The following LTBP1 variants were observed in gnomAD, a reference collection of about 807,000 sequenced individuals.
LTBP1 encodes latent transforming growth factor beta binding protein 1, also known as latent-transforming growth factor beta-binding protein 1.
Under a neutral mutation model 207.6 loss-of-function variants are expected in LTBP1, and 129 were observed. The ratio of observed to expected loss-of-function variants is 0.62; its 90% CI spans 0.54 to 0.72. LTBP1 has a LOEUF of 0.72. Ranked by LOEUF, LTBP1 falls within the 30% of genes least tolerant of loss-of-function variation. The pLI, the probability that LTBP1 is intolerant of heterozygous loss-of-function variation, is 0.00. For synonymous variants in LTBP1, 963 were observed against 833.7 expected (o/e 1.16, Z -2.67); for missense variants, 2,281 against 2,217.2 (o/e 1.03, Z -0.58).
chr2:33,379,933 T>C (rs1253026254), intron 31 of LTBP1, among the ~76,000 whole-genome samples: 1 of 152,236 alleles, frequency 6.6e-6, no homozygotes, highest in African/African-American at 2.4e-5. Context: ...TTCTCTGCTA[T>C]GAAGCTTTAA....
intron 3 of LTBP1, among the ~76,000 whole-genome samples, chr2:33,045,774 T>C (rs1347863566): frequency 6.6e-6 from 1 of 152,220 alleles, no homozygotes; most frequent in Non-Finnish European, 1.5e-5. Context: ...TTTGTTTGTG[T>C]CCTGTCTTAT....
At chr2:33,267,472 C>T (rs1161997437) in intron 15 of LTBP1, among the ~76,000 whole-genome samples, 1 of 152,132 alleles carries the variant, frequency 6.6e-6, no homozygotes, top group Admixed American at 6.5e-5. Context: ...AATTGTTATT[C>T]TCTATTCTGA....
intron 4 of LTBP1, among the ~76,000 whole-genome samples, chr2:33,132,014 G>A (rs2081834987): frequency 6.6e-6 from 1 of 152,222 alleles, no homozygotes; most frequent in African/African-American, 2.4e-5. Context: ...AGGTGACTGT[G>A]TGAGCATCTG....
chr2:33,191,450 C>T (rs1001728458), intron 7 of LTBP1, among the ~76,000 whole-genome samples: 1 of 152,160 alleles, frequency 6.6e-6, no homozygotes, highest in African/African-American at 2.4e-5. Context: ...AAAATAAGAC[C>T]TGTTTTTTGG....
intron 3 of LTBP1, among the ~76,000 whole-genome samples, chr2:33,110,172 C>T (rs1038699418): frequency 6.6e-6 from 1 of 152,182 alleles, no homozygotes; most frequent in Non-Finnish European, 1.5e-5. Context: ...TTCACTCCAG[C>T]CTCAAACTCC....
rs549727747 is a variant in LTBP1 at position 33,097,401 on chromosome 2, G to A, written c.864-13181G>A. ...CAGCATTGTATTTTGTACTGTTTGG[G>A]TATGGTGCCTAGTTTGAAGACCCCT... is the stretch of plus-strand genomic sequence containing the variant. On this transcript the variant is annotated intron_variant, in intron 3 of 33. Coordinates refer to ENST00000404816, the MANE Select transcript of LTBP1 (RefSeq NM_206943.4). 2.0e-5 allele frequency among the ~76,000 whole-genome samples: 3 copies of A among 152,198 alleles called. No individual in the cohort carries two copies. In the South Asian group the frequency reaches 6.2e-4, roughly 32 times the overall value.
chr2:33,009,688 T>G (rs1245439756), intron 2 of LTBP1, among the ~76,000 whole-genome samples: 1 of 152,116 alleles, frequency 6.6e-6, no homozygotes, highest in Non-Finnish European at 1.5e-5. Flanking sequence ...GGTAGTAAAT[T>G]TCTCATTTTG....
chr2:33,090,501 C>T (rs218179), intron 3 of LTBP1, among the ~76,000 whole-genome samples: 34,685 of 152,044 alleles, frequency 0.23, 5,238 homozygotes, highest in Non-Finnish European at 0.33. Context: ...GTGTGTTGGG[C>T]ACAGTACTAA....
intron 13 of LTBP1, among the ~76,000 whole-genome samples, chr2:33,262,417 G>C (rs2093040383): frequency 6.6e-6 from 1 of 152,024 alleles, no homozygotes; most frequent in Non-Finnish European, 1.5e-5. Context: ...TGGACCCCTG[G>C]GCCAAGACAT....
chr2:33,113,134 G>GA (rs921748295), intron 4 of LTBP1, among the ~76,000 whole-genome samples: 6 of 152,168 alleles, frequency 3.9e-5, no homozygotes, highest in African/African-American at 1.4e-4. Flanking sequence ...AGAAGCGGTT[G>GA]AAAACTAGAG....
intron 24 of LTBP1, among the ~76,000 whole-genome samples, chr2:33,326,864 A>G (rs1184336495): frequency 1.3e-5 from 2 of 151,900 alleles, no homozygotes; most frequent in Admixed American, 1.3e-4. Context: ...TTCTTTCACC[A>G]TGTTGGCCAG....
At chr2:33,391,632 C>A (rs978704038) in intron 32 of LTBP1, among the ~76,000 whole-genome samples, 1 of 152,092 alleles carries the variant, frequency 6.6e-6, no homozygotes, top group African/African-American at 2.4e-5. Flanking sequence ...AGCACTGAAA[C>A]CTCAGTAACC....
At chr2:33,094,878 C>T (rs115075618) in intron 3 of LTBP1, among the ~76,000 whole-genome samples, 181 of 152,252 alleles carry the variant, frequency 1.2e-3, no homozygotes, top group Non-Finnish European at 1.9e-3. Flanking sequence ...ATTCCTCTAA[C>T]GAGAATATAT....
chr2:33,292,496 G>A (rs879519283), intron 19 of LTBP1, among the ~76,000 whole-genome samples: 47 of 152,058 alleles, frequency 3.1e-4, no homozygotes, highest in Admixed American at 2.7e-3. Flanking sequence ...GATTTTGTTC[G>A]GATTAAATGA....
chr2:33,020,762 C>G (rs978360633), intron 2 of LTBP1, 147 bp from the exon 3 acceptor site: 1 of 706,486 alleles, frequency 1.4e-6, no homozygotes, highest in African/African-American at 1.8e-5. Context: ...CCTCCTCCGC[C>G]CAACTGCCCC....
At chr2:33,277,420 C>A (rs2093448772) in intron 18 of LTBP1, among the ~76,000 whole-genome samples, 1 of 152,336 alleles carries the variant, frequency 6.6e-6, no homozygotes, top group Admixed American at 6.5e-5. Context: ...ACCACGCCCA[C>A]AGTAACTGCC....
chr2:32,960,398 GGAAT>G (rs10532840), intron 2 of LTBP1, among the ~76,000 whole-genome samples: 125,053 of 150,166 alleles, frequency 0.83, 53,223 homozygotes, highest in Non-Finnish European at 0.93. Flanking sequence ...ACACCTTTAT[GGAAT>G]GAATGAATGA....
intron 17 of LTBP1, among the ~76,000 whole-genome samples, chr2:33,275,359 G>C (rs768609132): frequency 2.0e-5 from 3 of 152,166 alleles, no homozygotes; most frequent in Non-Finnish European, 2.9e-5. Flanking sequence ...GGATGATTTT[G>C]ATGTGTGTCA....
In LTBP1 at chr2:33,341,725, A is replaced by ATAT. The variant is rs1330972442; in HGVS notation, c.3731-1113_3731-1112insTAT. ...GACTCCGTCTCACTCAAAAAAAAAA[A>ATAT]AAAAATATATATATATATATGTATA... is the stretch of plus-strand genomic sequence containing the variant. On this transcript the variant is annotated intron_variant, in intron 24 of 33. Transcript: ENST00000404816. 1.5e-4 allele frequency among the ~76,000 whole-genome samples: 14 copies of ATAT among 93,202 alleles called. No homozygotes were observed. In the South Asian group the frequency reaches 2.7e-3, roughly 18 times the overall value. The allele number at this position is 93,202 out of a possible 152,430, so 61.1% of individuals were successfully genotyped here.
Sources: gnomAD v4.1 joint callset for allele counts (sites outside exome capture counted in the v4.1 genomes callset) on GRCh38, gnomAD v4.1.1 for gene constraint, MANE v1.5 for transcripts, NCBI Gene and HGNC (gene_info 2026-07-23, HGNC 2026-07-21) for gene names.